Variants in SWAP70 observed in about 807,000 individuals in gnomAD.
The protein encoded by SWAP70 is switching B cell complex subunit SWAP70.
In SWAP70, 34 loss-of-function variants were observed where a neutral mutation model predicts 80.2. The observed-to-expected ratio is 0.42, with a 90% CI of 0.32 to 0.56. The LOEUF is 0.56. Among genes scored for constraint, SWAP70 ranks in the 20% least tolerant of loss-of-function variants. The probability of loss-of-function intolerance (pLI) is 0.09; values close to 1 mark genes in which losing one functional copy is unlikely to be tolerated. For missense variants in SWAP70, 578 were observed against 690.7 expected (o/e 0.84, Z 1.83); for synonymous variants, 239 against 238.5 (o/e 1.00, Z -0.02).
At chr11:9,690,776 G>A (rs1465698914) in intron 1 of SWAP70, among the ~76,000 whole-genome samples, 1 of 151,982 alleles carries the variant, frequency 6.6e-6, no homozygotes, top group Admixed American at 6.6e-5. Flanking sequence ...TTGAGATACT[G>A]TCTAAGCTTT....
chr11:9,704,128 A>T (rs890401332), intron 2 of SWAP70, among the ~76,000 whole-genome samples: 2 of 152,118 alleles, frequency 1.3e-5, no homozygotes, highest in African/African-American at 2.4e-5. Flanking sequence ...GATTTCTGAG[A>T]ATTTCCCAGT....
intron 1 of SWAP70, among the ~76,000 whole-genome samples, chr11:9,669,528 C>G (rs990912462): frequency 6.6e-6 from 1 of 152,110 alleles, no homozygotes; most frequent in Non-Finnish European, 1.5e-5. Flanking sequence ...CCACGCCCAG[C>G]CTAATTTATT....
chr11:9,717,000 G>A (rs1425130156), intron 3 of SWAP70, among the ~76,000 whole-genome samples: 1 of 152,198 alleles, frequency 6.6e-6, no homozygotes, highest in Non-Finnish European at 1.5e-5. Flanking sequence ...GTTTTAAGAA[G>A]CACAGAAGTA....
In SWAP70 at chr11:9,705,710, A is replaced by G. The variant is rs370936592; in HGVS notation, c.241-7756A>G. ...ATCTGTATGCACTGGTGATCTGTAT[A>G]CACTGGTGATCTGTGTACACTTGGT... On this transcript the variant is annotated intron_variant, in intron 2 of 11. Coordinates refer to ENST00000318950, the MANE Select transcript of SWAP70 (RefSeq NM_015055.4). 5.6e-5 allele frequency among the ~76,000 whole-genome samples: 8 copies of G among 141,660 alleles called. No individual in the cohort carries two copies. In the East Asian group the frequency reaches 1.5e-3, roughly 27 times the overall value. The allele number at this position is 141,660 out of a possible 152,430, so 92.9% of individuals were successfully genotyped here. A position where few individuals can be genotyped will look rare whatever the true frequency, so the allele number is the denominator to read the frequency against.
At chr11:9,667,748 G>A (rs1333421658) in intron 1 of SWAP70, among the ~76,000 whole-genome samples, 3 of 152,024 alleles carry the variant, frequency 2.0e-5, no homozygotes, top group Admixed American at 2.0e-4. Context: ...CTTATGTAGA[G>A]ATGGAGTTTT....
chr11:9,686,039 T>A (rs959000056), intron 1 of SWAP70, among the ~76,000 whole-genome samples: 19 of 152,070 alleles, frequency 1.2e-4, no homozygotes, highest in Middle Eastern at 3.2e-3. Context: ...CTTAATTTTT[T>A]AATTTTCTAT....
chr11:9,703,295 C>T (rs534230992), intron 2 of SWAP70: 134 of 451,772 alleles, frequency 3.0e-4, no homozygotes, highest in Non-Finnish European at 4.3e-4. Flanking sequence ...CATTCCGTTA[C>T]GGATATACCA....
intron 7 of SWAP70, among the ~76,000 whole-genome samples, chr11:9,737,191 G>A (rs1280552181): frequency 6.6e-6 from 1 of 152,164 alleles, no homozygotes; most frequent in Admixed American, 6.5e-5. Context: ...AGAAATTCTG[G>A]CAGCCAGCCT....
At chr11:9,740,409 G>A in intron 9 of SWAP70, 62 bp downstream of exon 9, 1 of 1,517,792 alleles carries the variant, frequency 6.6e-7, no homozygotes, top group Non-Finnish European at 9.1e-7. Flanking sequence ...ACAGTTTCTT[G>A]GAATGACTAA....
rs774475451 is a variant in SWAP70, at chr11:9,729,317, G to A, written c.790-26G>A. On this transcript the variant is annotated intron_variant, in intron 5 of 11. Transcript: ENST00000318950. ...TTCATTTAAATACTTAAAATTTTGA[G>A]GAACTAATTTTGCTTTCTGTTTTAG... The A allele has an allele frequency of 2.8e-6, 4 of 1,413,214 alleles. No homozygotes were observed. In the Admixed American group the frequency reaches 8.0e-5, roughly 28 times the overall value. The allele number at this position is 1,413,214 out of a possible 1,614,324, so 87.5% of individuals were successfully genotyped here. A position where few individuals can be genotyped will look rare whatever the true frequency, so the allele number is the denominator to read the frequency against.
intron 9 of SWAP70, 35 bp from the exon 10 acceptor site, chr11:9,747,823 C>A (rs1276163264): frequency 6.2e-7 from 1 of 1,607,622 alleles, no homozygotes; most frequent in Non-Finnish European, 8.5e-7. Flanking sequence ...GTGACCTGGG[C>A]AGGATTTGAT....
chr11:9,671,836 TATATA>T (rs1181183413), intron 1 of SWAP70, among the ~76,000 whole-genome samples: 3 of 103,664 alleles, frequency 2.9e-5, no homozygotes, highest in Non-Finnish European at 5.1e-5. Flanking sequence ...AATATAATAA[TATATA>T]ATATATAAAA....
At chr11:9,670,059 G>A (rs1301155225) in intron 1 of SWAP70, among the ~76,000 whole-genome samples, 1 of 152,136 alleles carries the variant, frequency 6.6e-6, no homozygotes, top group Admixed American at 6.6e-5. Context: ...CCTGGGAGGC[G>A]GAGGTTGCAG....
In SWAP70 at chr11:9,682,180, G is replaced by A. The variant is rs559594911; in HGVS notation, c.100-11966G>A. ...AGAATGGGACCTTGTACTGGGAGGT[G>A]AGGGGAGGAGCCCTTGTTTCCCCAG... On this transcript the variant is annotated intron_variant, in intron 1 of 11. Coordinates refer to ENST00000318950, the MANE Select transcript of SWAP70 (RefSeq NM_015055.4). 2.0e-5 allele frequency among the ~76,000 whole-genome samples: 3 copies of A among 152,298 alleles called. No individual in the cohort carries two copies. The South Asian group carries it at 6.2e-4, about 32-fold the overall frequency.
At chr11:9,723,215 C>T (rs994668137) in intron 3 of SWAP70, among the ~76,000 whole-genome samples, 5 of 152,078 alleles carry the variant, frequency 3.3e-5, no homozygotes, top group African/African-American at 1.2e-4. Context: ...CGACCAAAAG[C>T]AGATCAAATA....
chr11:9,740,449 GC>G, intron 9 of SWAP70, 102 bp downstream of exon 9: 1 of 1,239,050 alleles, frequency 8.1e-7, no homozygotes, highest in Admixed American at 1.7e-5. Context: ...AAGTGTCTCT[GC>G]TCTGGCTGTG....
intron 3 of SWAP70, among the ~76,000 whole-genome samples, chr11:9,723,589 C>G (rs1851167517): frequency 6.6e-6 from 1 of 151,972 alleles, no homozygotes; most frequent in African/African-American, 2.4e-5. Context: ...TAATGGAAAT[C>G]AATAATACAG....
Position 9,694,262 on chromosome 11 carries a change from T to C in SWAP70, c.216T>C (p.Tyr72=). 1.2e-6 allele frequency: 2 copies of C among 1,612,042 alleles called. No individual in the cohort carries two copies. Among genetic ancestry groups the C allele is most frequent in the Non-Finnish European group, 1.7e-6 (2 of 1,179,132 alleles). ...TGTCCAACCAGGGCTACATGCCTTA[T>C]TTAAACAGGTTCATTTTGGAAAAGG... ...GPVSNQGYMP[Y]LNRFILEKVQ... The change falls in exon 2 of 12, where the codon TAT becomes TAC. Residue 72 remains tyrosine (Y), a synonymous_variant. Transcript: ENST00000318950.
intron 2 of SWAP70, 145 bp downstream of exon 2, chr11:9,694,431 A>ACGT: frequency 1.0e-6 from 1 of 959,402 alleles, no homozygotes. Flanking sequence ...AGAATGAGAG[A>ACGT]CTGACAGTGC....
Sources: allele counts gnomAD v4.1 joint callset (sites outside exome capture counted in the v4.1 genomes callset), GRCh38; gene constraint gnomAD v4.1.1; transcripts MANE v1.5; gene names NCBI Gene and HGNC (gene_info 2026-07-23, HGNC 2026-07-21).